The following HDAC9 variants were observed in gnomAD, a reference collection of about 807,000 sequenced individuals.
HDAC9 encodes the protein MEF-2 interacting transcription repressor (MITR) protein.
A neutral mutation model predicts 139.4 loss-of-function variants in HDAC9; 41 were observed. That is an observed-to-expected ratio of 0.29 (90% CI 0.23 to 0.38). The LOEUF (loss-of-function observed/expected upper bound fraction) is 0.38. Among genes scored for constraint, HDAC9 ranks in the 10% least tolerant of loss-of-function variants. The probability of loss-of-function intolerance (pLI) is 1.00; values close to 1 mark genes in which losing one functional copy is unlikely to be tolerated. For missense variants in HDAC9, 1,147 were observed against 1,297.0 expected, an observed-to-expected ratio of 0.88 and a Z score of 1.78; for synonymous variants, 517 against 476.2, an observed-to-expected ratio of 1.09 and a Z score of -1.12.
At chr7:18,741,837 G>A (rs916653395) in intron 13 of HDAC9, among the ~76,000 whole-genome samples, 1 of 152,160 alleles carries the variant, frequency 6.6e-6, no homozygotes, top group Admixed American at 6.5e-5. Context: ...GTTGATTCCA[G>A]TTCTCATGGA....
intron 2 of HDAC9, among the ~76,000 whole-genome samples, chr7:18,283,419 G>A (rs966276426): frequency 2.0e-5 from 3 of 152,030 alleles, no homozygotes; most frequent in Non-Finnish European, 2.9e-5. Flanking sequence ...ATTTAGGTGG[G>A]GACACAGAGC....
At chr7:18,440,629 G>C (rs1025156873) in intron 1 of HDAC9, among the ~76,000 whole-genome samples, 1 of 151,844 alleles carries the variant, frequency 6.6e-6, no homozygotes, top group Non-Finnish European at 1.5e-5. Flanking sequence ...TTCTATTTCT[G>C]ATATTATTTT....
chr7:18,732,379 GAATA>G (rs150933512), intron 13 of HDAC9, among the ~76,000 whole-genome samples: 1,877 of 151,856 alleles, frequency 0.012, 46 homozygotes, highest in African/African-American at 0.043. Flanking sequence ...CTCTTTAATA[GAATA>G]AAGAAAAGTG....
At chr7:18,401,588 C>G (rs998254728) in intron 1 of HDAC9, among the ~76,000 whole-genome samples, 2 of 152,194 alleles carry the variant, frequency 1.3e-5, no homozygotes, top group African/African-American at 2.4e-5. Context: ...CTCAGCAGAA[C>G]TGGATAGGTA....
At chr7:18,735,308 C>A (rs1786781648) in intron 13 of HDAC9, among the ~76,000 whole-genome samples, 1 of 152,160 alleles carries the variant, frequency 6.6e-6, no homozygotes, top group South Asian at 2.1e-4. Context: ...GAAGTCCTTG[C>A]CCATGCCTAT....
chr7:18,190,370 T>C (rs1416328243), intron 2 of HDAC9, among the ~76,000 whole-genome samples: 6 of 152,242 alleles, frequency 3.9e-5, no homozygotes, highest in Admixed American at 3.9e-4. Flanking sequence ...TATGGGCATA[T>C]GTATTTGTGT....
intron 23 of HDAC9, among the ~76,000 whole-genome samples, chr7:18,936,716 C>G (rs894977397): frequency 2.0e-5 from 3 of 152,002 alleles, no homozygotes; most frequent in Non-Finnish European, 4.4e-5. Flanking sequence ...TGCATTTTGC[C>G]TTTCTTTTAT....
chr7:18,704,216 A>G (rs77251650), intron 12 of HDAC9, among the ~76,000 whole-genome samples: 2,533 of 152,326 alleles, frequency 0.017, 56 homozygotes, highest in East Asian at 0.049. Context: ...GACACCCAAA[A>G]GAAGAAAGTA....
chr7:18,240,660 A>G (rs1014288204), intron 2 of HDAC9, among the ~76,000 whole-genome samples: 1 of 152,106 alleles, frequency 6.6e-6, no homozygotes, highest in African/African-American at 2.4e-5. Flanking sequence ...TCCTCTGCTC[A>G]CAACCATCCA....
At chr7:18,445,883 T>A (rs1201652430) in intron 1 of HDAC9, among the ~76,000 whole-genome samples, 1 of 152,228 alleles carries the variant, frequency 6.6e-6, no homozygotes, top group Non-Finnish European at 1.5e-5. Flanking sequence ...AAAAGAAGAC[T>A]TCTATTTAAC....
chr7:18,755,288 T>A (rs1475293548), intron 14 of HDAC9, among the ~76,000 whole-genome samples: 1 of 152,174 alleles, frequency 6.6e-6, no homozygotes, highest in African/African-American at 2.4e-5. Context: ...ATTTAGGATT[T>A]CTTTTAACAA....
At chr7:18,779,427 A>C (rs1332764093) in intron 16 of HDAC9, among the ~76,000 whole-genome samples, 1 of 152,058 alleles carries the variant, frequency 6.6e-6, no homozygotes, top group East Asian at 1.9e-4. Flanking sequence ...CAGAATCATG[A>C]TTCTCATTAT....
At chr7:18,959,867 G>A (rs548625431) in intron 24 of HDAC9, among the ~76,000 whole-genome samples, 2 of 152,222 alleles carry the variant, frequency 1.3e-5, no homozygotes, top group Non-Finnish European at 1.5e-5. Flanking sequence ...GCAAAATGGT[G>A]GCACAGGCAA....
At chr7:18,470,854 C>T (rs1165895708) in intron 1 of HDAC9, among the ~76,000 whole-genome samples, 1 of 151,990 alleles carries the variant, frequency 6.6e-6, no homozygotes, top group East Asian at 1.9e-4. Flanking sequence ...AATCTGTGTG[C>T]TTAACCAGTT....
chr7:18,390,709 G>T (rs529149217), intron 1 of HDAC9, among the ~76,000 whole-genome samples: 1 of 152,198 alleles, frequency 6.6e-6, no homozygotes, highest in Non-Finnish European at 1.5e-5. Flanking sequence ...CTAACTAGCT[G>T]CATGGCCAAG....
intron 6 of HDAC9, among the ~76,000 whole-genome samples, chr7:18,602,413 G>T (rs1834207880): frequency 6.7e-6 from 1 of 150,158 alleles, no homozygotes; most frequent in African/African-American, 2.4e-5. Flanking sequence ...TTTTTGTTTT[G>T]TTGAGTTTTC....
chr7:18,550,815 T>C (rs1164852137), intron 2 of HDAC9, among the ~76,000 whole-genome samples: 5 of 152,076 alleles, frequency 3.3e-5, no homozygotes, highest in Admixed American at 1.3e-4. Flanking sequence ...TGAGGTCAGA[T>C]AGGAAAGAAA....
chr7:18,794,161 C>T (rs992159345), intron 17 of HDAC9, among the ~76,000 whole-genome samples: 3 of 152,158 alleles, frequency 2.0e-5, no homozygotes, highest in African/African-American at 7.2e-5. Context: ...GCAGTTACCC[C>T]AATAAACTTT....
intron 1 of HDAC9, among the ~76,000 whole-genome samples, chr7:18,423,478 C>T (rs1439180733): frequency 6.6e-6 from 1 of 152,178 alleles, no homozygotes; most frequent in Non-Finnish European, 1.5e-5. Flanking sequence ...ATAGATTTAA[C>T]GAAGCACTAT....
Sources: allele counts gnomAD v4.1 joint callset (sites outside exome capture counted in the v4.1 genomes callset), GRCh38; gene constraint gnomAD v4.1.1; transcripts MANE v1.5; gene names NCBI Gene and HGNC (gene_info 2026-07-23, HGNC 2026-07-21).